MYO3B: variants seen among roughly 807,000 people sequenced by gnomAD.
The protein encoded by MYO3B is myosin IIIB.
MYO3B carries 156 observed loss-of-function variants against 174.6 expected under a neutral mutation model. The observed-to-expected ratio is 0.89, with a 90% CI of 0.78 to 1.02. The LOEUF (loss-of-function observed/expected upper bound fraction) is 1.02. Ranked by LOEUF, MYO3B falls within the 50% of genes least tolerant of loss-of-function variation. The probability of loss-of-function intolerance (pLI) is 0.00; values close to 1 mark genes in which losing one functional copy is unlikely to be tolerated. For missense variants in MYO3B, 1,632 were observed against 1,639.4 expected, an observed-to-expected ratio of 1.00 and a Z score of 0.08; for synonymous variants, 563 against 569.1, an observed-to-expected ratio of 0.99 and a Z score of 0.15.
chr2:170,485,414 CACACACAGAGAGAG>C (rs1267240512), intron 25 of MYO3B, among the ~76,000 whole-genome samples: 5 of 140,114 alleles, frequency 3.6e-5, no homozygotes, highest in Admixed American at 7.6e-5. Context: ...CACACACACA[CACACACAGAGAGAG>C]AGAGAGAGAG....
intron 7 of MYO3B, among the ~76,000 whole-genome samples, chr2:170,285,372 CT>C (rs35061330): frequency 0.81 from 117,482 of 144,502 alleles, 47,910 homozygotes; most frequent in East Asian, 0.95. Context: ...AGTCTGTGAC[CT>C]TTTTTTTTTT....
At chr2:170,232,379 T>C (rs1399053873) in intron 6 of MYO3B, among the ~76,000 whole-genome samples, 1 of 152,236 alleles carries the variant, frequency 6.6e-6, no homozygotes, top group Non-Finnish European at 1.5e-5. Context: ...ACTCTCATCG[T>C]ATGTGTAACC....
At chr2:170,230,365 T>TTTTTTTTTTTGGA (rs1559318980) in intron 6 of MYO3B, among the ~76,000 whole-genome samples, 7 of 140,852 alleles carry the variant, frequency 5.0e-5, no homozygotes, top group African/African-American at 2.0e-4. Flanking sequence ...TTTTTTTTAG[T>TTTTTTTTTTTGGA]AGAGACGGGG....
chr2:170,517,701 C>T (rs1305227936), intron 29 of MYO3B, among the ~76,000 whole-genome samples: 3 of 152,146 alleles, frequency 2.0e-5, no homozygotes, highest in South Asian at 2.1e-4. Context: ...CAGAAAGATA[C>T]TTGTATCCCT....
intron 32 of MYO3B, among the ~76,000 whole-genome samples, chr2:170,592,272 G>A (rs1238348133): frequency 2.0e-5 from 3 of 152,106 alleles, no homozygotes; most frequent in Non-Finnish European, 4.4e-5. Flanking sequence ...TTATATTATT[G>A]TGAAGTTGGT....
At chr2:170,446,235 T>G (rs1454484474) in intron 23 of MYO3B, among the ~76,000 whole-genome samples, 4 of 152,208 alleles carry the variant, frequency 2.6e-5, no homozygotes, top group Non-Finnish European at 5.9e-5. Flanking sequence ...ATTGTCTTTG[T>G]GGTTTTTTGG....
At position 170,491,116 on chromosome 2, in the gene MYO3B, T is replaced by C. The variant is rs569491999; in HGVS notation, c.3015-7476T>C. Among the ~76,000 whole-genome samples the C allele has an allele frequency of 2.6e-5, 4 of 152,322 alleles. No individual in the cohort carries two copies. The South Asian group carries it at 6.2e-4, about 24-fold the overall frequency. On this transcript the variant is annotated intron_variant, in intron 25 of 34. Coordinates refer to ENST00000408978, the MANE Select transcript of MYO3B (RefSeq NM_138995.5). Reference sequence around the variant, plus strand: ...GCTTACTCTGGGTTTAATTTGCTCTTCTTTTTCTATTTCTTATGGTGGAGG... The same window carrying C: ...GCTTACTCTGGGTTTAATTTGCTCTCCTTTTTCTATTTCTTATGGTGGAGG...
chr2:170,223,076 C>T (rs554178133), intron 6 of MYO3B, among the ~76,000 whole-genome samples: 8 of 152,226 alleles, frequency 5.3e-5, no homozygotes, highest in South Asian at 4.2e-4. Flanking sequence ...CCTGTGTGGG[C>T]GCCCAACACC....
chr2:170,494,251 C>T (rs1686696771), intron 25 of MYO3B, among the ~76,000 whole-genome samples: 1 of 152,072 alleles, frequency 6.6e-6, no homozygotes, highest in Non-Finnish European at 1.5e-5. Context: ...TTCCTTGAAA[C>T]AGCCTGCATT....
At chr2:170,499,931 C>G in intron 27 of MYO3B, 123 bp downstream of exon 27, 2 of 740,256 alleles carry the variant, frequency 2.7e-6, no homozygotes, top group South Asian at 4.1e-5. Context: ...CCCTCCCTCC[C>G]TCCCTTCCTT....
At chr2:170,366,912 C>G (rs552641584) in intron 8 of MYO3B, among the ~76,000 whole-genome samples, 1 of 152,212 alleles carries the variant, frequency 6.6e-6, no homozygotes, top group Non-Finnish European at 1.5e-5. Flanking sequence ...TATGGGTTTC[C>G]TAGTCTTTCT....
chr2:170,648,398 G>A (rs538799523), intron 32 of MYO3B, among the ~76,000 whole-genome samples: 1 of 152,096 alleles, frequency 6.6e-6, no homozygotes, highest in Admixed American at 6.6e-5. Flanking sequence ...GGGAGGCTGA[G>A]CTGGGCAGAT....
At chr2:170,250,474 G>A (rs911404095) in intron 7 of MYO3B, among the ~76,000 whole-genome samples, 3 of 152,184 alleles carry the variant, frequency 2.0e-5, no homozygotes, top group African/African-American at 7.2e-5. Context: ...TGGCTTTTCT[G>A]TCCGGTTGCT....
intron 32 of MYO3B, among the ~76,000 whole-genome samples, chr2:170,610,441 A>G (rs1695068648): frequency 6.6e-6 from 1 of 152,230 alleles, no homozygotes; most frequent in South Asian, 2.1e-4. Context: ...ATGTTTACAT[A>G]GCAAGTCCAA....
At chr2:170,431,635 C>G (rs1325838349) in intron 22 of MYO3B, among the ~76,000 whole-genome samples, 1 of 152,142 alleles carries the variant, frequency 6.6e-6, no homozygotes, top group Non-Finnish European at 1.5e-5. Context: ...AGACAATTAC[C>G]AATTAAAAGT....
chr2:170,504,177 T>C (rs1372229583), intron 28 of MYO3B, among the ~76,000 whole-genome samples: 1 of 152,174 alleles, frequency 6.6e-6, no homozygotes, highest in Non-Finnish European at 1.5e-5. Flanking sequence ...TTAGGGATGT[T>C]GTCACAGCAC....
At chr2:170,204,108 G>A (rs2092692026) in intron 3 of MYO3B, among the ~76,000 whole-genome samples, 1 of 152,080 alleles carries the variant, frequency 6.6e-6, no homozygotes, top group Non-Finnish European at 1.5e-5. Flanking sequence ...AAGTGACATA[G>A]TTTTCACTGG....
At chr2:170,309,040 C>A (rs977472380) in intron 7 of MYO3B, among the ~76,000 whole-genome samples, 18 of 152,200 alleles carry the variant, frequency 1.2e-4, no homozygotes, top group African/African-American at 4.3e-4. Context: ...CTGGCCAGTT[C>A]TCCCTGTTGA....
intron 7 of MYO3B, among the ~76,000 whole-genome samples, chr2:170,274,163 T>TGA (rs139019779): frequency 0.019 from 2,851 of 147,202 alleles, 90 homozygotes; most frequent in African/African-American, 0.065. Flanking sequence ...GGAGAGAGAA[T>TGA]GAGAGAGAGA....
Sources: allele counts gnomAD v4.1 joint callset (sites outside exome capture counted in the v4.1 genomes callset), GRCh38; gene constraint gnomAD v4.1.1; transcripts MANE v1.5; gene names NCBI Gene and HGNC (gene_info 2026-07-23, HGNC 2026-07-21).